PXN: variants seen among roughly 807,000 people sequenced by gnomAD.
The protein encoded by PXN is testicular tissue protein Li 134.
In PXN, 61 loss-of-function variants were observed where a neutral mutation model predicts 103.6. The ratio of observed to expected loss-of-function variants is 0.59; its 90% CI spans 0.48 to 0.73. The LOEUF is 0.73. PXN is among the 30% of genes least tolerant of loss of function. The pLI is 0.00. For missense variants in PXN, 1,274 were observed against 1,460.3 expected, an observed-to-expected ratio of 0.87 and a Z score of 2.08; for synonymous variants, 562 against 607.8, an observed-to-expected ratio of 0.92 and a Z score of 1.11.
rs558730579 is a variant in PXN, at chr12:120,258,018, C to A, written c.13+7599G>T. ...GACCAGGCTGGCCAACATGGTGAAA[C>A]CCCATCTCTACTAAAATTACAAAAA... is the stretch of plus-strand genomic sequence containing the variant. On this transcript the variant is annotated intron_variant, in intron 1 of 14. Transcript: ENST00000637617. Among the ~76,000 whole-genome samples, 7 of 152,158 alleles carry A rather than the reference C, an allele frequency of 4.6e-5. No individual in the cohort carries two copies. The South Asian group carries it at 1.2e-3, about 27-fold the overall frequency.
Position 120,228,617 on chromosome 12 carries a change from G to A in PXN, c.14-4240C>T, listed in dbSNP as rs536091360. ...GACTGGGGAGCCCCTGGCCATGGGC[G>A]CAGTGGGGAAGTTTCTATCCTTAGA... On this transcript the variant is annotated intron_variant, in intron 1 of 14. Transcript: ENST00000637617. This position sits in a 1 kb window ranked among gnomAD's most constrained non-coding sequence, Gnocchi z 4.7. Among the ~76,000 whole-genome samples the A allele has an allele frequency of 1.1e-4, 16 of 152,306 alleles. No individual in the cohort carries two copies. The highest frequency in any genetic ancestry group is 2.1e-4 in the Non-Finnish European group (14 of 68,036).
chr12:120,213,553 T>C lies in PXN; in HGVS notation c.2979+289A>G, dbSNP rs767718999. On this transcript the variant is annotated intron_variant, in intron 14 of 14. Transcript: ENST00000637617. This position sits in a 1 kb window ranked among gnomAD's most constrained non-coding sequence, Gnocchi z 4.2. ...CTGTTGAGTCTGCTAAATACTTGCATTATCTCATTTAGTTCTCACACACTC... is the reference window on the plus strand; with the variant it reads ...CTGTTGAGTCTGCTAAATACTTGCACTATCTCATTTAGTTCTCACACACTC... Among the ~76,000 whole-genome samples, 22 of 152,210 alleles carry C rather than the reference T, an allele frequency of 1.4e-4. No homozygotes were observed. The highest frequency in any genetic ancestry group is 1.0e-3 in the Admixed American group (16 of 15,284).
chr12:120,242,998 G>A lies in PXN; in HGVS notation c.14-18621C>T, dbSNP rs113048816. 1.6e-3 allele frequency among the ~76,000 whole-genome samples: 238 copies of A among 152,176 alleles called. 1 individual carries two copies. Among genetic ancestry groups the A allele is most frequent in the African/African-American group, 5.4e-3 (224 of 41,524 alleles). ...AAGGTCATTCCAATGAAGATGCAAA[G>A]CCTAATGACTGTCCTTGGCCTTGTG... On this transcript the variant is annotated intron_variant, in intron 1 of 14. Coordinates refer to ENST00000637617, the MANE Select transcript of PXN (RefSeq NM_001385981.1).
rs10129044 is a variant in PXN at position 120,240,682 on chromosome 12, G to A, written c.14-16305C>T. ...CTCCCAGGAGTCCAGTCCAAAAGCT[G>A]GCATCGCAGCCCCACAGTGCTCCCA... is the stretch of plus-strand genomic sequence containing the variant. On this transcript the variant is annotated intron_variant, in intron 1 of 14. Coordinates refer to ENST00000637617, the MANE Select transcript of PXN (RefSeq NM_001385981.1). Among the ~76,000 whole-genome samples, 1,069 of 152,274 alleles carry A rather than the reference G, an allele frequency of 7.0e-3. 7 individuals carry two copies. Among genetic ancestry groups the A allele is most frequent in the African/African-American group, 0.024 (996 of 41,540 alleles).
At chr12:120,238,463 T>G (rs1465127044) in intron 1 of PXN, among the ~76,000 whole-genome samples, 1 of 152,202 alleles carries the variant, frequency 6.6e-6, no homozygotes, top group Admixed American at 6.5e-5. Flanking sequence ...CATGCCCAGC[T>G]GGCTATGCCA....
chr12:120,253,724 T>C (rs1345161850), intron 1 of PXN, among the ~76,000 whole-genome samples: 1 of 152,226 alleles, frequency 6.6e-6, no homozygotes, highest in East Asian at 1.9e-4. Context: ...ATACATCCAT[T>C]GTATATAGAT....
Position 120,221,482 on chromosome 12 carries a change from A to C in PXN, c.831+141T>G. The C allele has an allele frequency of 2.2e-6, 2 of 903,252 alleles. No homozygotes were observed. The highest frequency in any genetic ancestry group is 3.2e-6 in the Non-Finnish European group (2 of 622,604). The allele number at this position is 903,252 out of a possible 1,614,324, so 56.0% of individuals were successfully genotyped here. On this transcript the variant is annotated intron_variant, in intron 6 of 14. Coordinates refer to ENST00000637617, the MANE Select transcript of PXN (RefSeq NM_001385981.1). This position sits in a 1 kb window ranked among gnomAD's most constrained non-coding sequence, Gnocchi z 6.6. The stretch of plus-strand genomic sequence containing the variant: ...CATCTCCTGGCATCACAGCAAGGCC[A>C]GGGCATGACAGTGTCCCTGGCTCAG...
In PXN at chr12:120,240,176, G is replaced by C. The variant is rs1167390555; in HGVS notation, c.14-15799C>G. ...CCAAGCCTCACTCAAGCCATTTAGA[G>C]GAACAAATAAGATAACAATCATAAA... On this transcript the variant is annotated intron_variant, in intron 1 of 14. Coordinates refer to ENST00000637617, the MANE Select transcript of PXN (RefSeq NM_001385981.1). 6.6e-5 allele frequency among the ~76,000 whole-genome samples: 10 copies of C among 152,128 alleles called. No homozygotes were observed. The East Asian group carries it at 1.9e-3, about 29-fold the overall frequency.
chr12:120,233,461 A>C (rs890748585), intron 1 of PXN, among the ~76,000 whole-genome samples: 14 of 151,910 alleles, frequency 9.2e-5, no homozygotes, highest in African/African-American at 3.1e-4. Flanking sequence ...TACACACCAC[A>C]CCTGGCTAAT....
rs1209321433 is a variant in PXN, at chr12:120,222,984, C to T, written c.372G>A (p.Gln124=). The change falls in exon 4 of 15, where the codon CAG becomes CAA. Residue 124 remains glutamine, a synonymous_variant. Coordinates refer to ENST00000637617, the MANE Select transcript of PXN (RefSeq NM_001385981.1). This position sits in a 1 kb window ranked among gnomAD's most constrained non-coding sequence, Gnocchi z 4.7. The part of the protein sequence containing the change: ...EEHVYSFPNK[Q]KSAEPSPTVM... Reference sequence around the variant, plus strand: ...CGGTGGGTGAAGGCTCAGCTGATTTCTGCTTGTTGGGGAAGCTTTGAGAGG... The same window carrying T: ...CGGTGGGTGAAGGCTCAGCTGATTTTTGCTTGTTGGGGAAGCTTTGAGAGG... The T allele has an allele frequency of 6.2e-7, 1 of 1,613,950 alleles. No individual in the cohort carries two copies.
At position 120,254,133 on chromosome 12, in the gene PXN, C is replaced by A. The variant is rs557470444; in HGVS notation, c.13+11484G>T. On this transcript the variant is annotated intron_variant, in intron 1 of 14. Coordinates refer to ENST00000637617, the MANE Select transcript of PXN (RefSeq NM_001385981.1). ...ACCTCAGATGATCCACCCACCTCAG[C>A]CTCCCAAAGTGCTGGGATTACAGGC... 1.4e-4 allele frequency among the ~76,000 whole-genome samples: 22 copies of A among 152,234 alleles called. 1 individual carries two copies. The highest frequency in any genetic ancestry group is 1.4e-3 in the Admixed American group (22 of 15,282).
intron 3 of PXN, 36 bp downstream of exon 3, chr12:120,223,682 A>C: frequency 6.8e-7 from 1 of 1,474,616 alleles, no homozygotes; most frequent in Non-Finnish European, 9.3e-7. Flanking sequence ...ATTTCTAAGC[A>C]GGAGGGAAGG....
At chr12:120,223,909 C>T in intron 2 of PXN, 76 bp from the exon 3 acceptor site, 1 of 1,166,290 alleles carries the variant, frequency 8.6e-7, no homozygotes, top group East Asian at 2.6e-5. Flanking sequence ...CTCCAGTCAC[C>T]CCCAGGAGGC....
At chr12:120,235,314 G>T (rs536423298) in intron 1 of PXN, among the ~76,000 whole-genome samples, 1 of 152,150 alleles carries the variant, frequency 6.6e-6, no homozygotes, top group Non-Finnish European at 1.5e-5. Context: ...GGGGCTGCGA[G>T]GCTAGAAAGC....
rs567314723 is a variant in PXN, at chr12:120,263,051, C to T, written c.13+2566G>A. On this transcript the variant is annotated intron_variant, in intron 1 of 14. Transcript: ENST00000637617. The stretch of plus-strand genomic sequence containing the variant: ...ACAAAGTCACAGAGGAGGTGATGCA[C>T]CCTCTGGCCTTGCTACCGGACACAC... 3.3e-5 allele frequency among the ~76,000 whole-genome samples: 5 copies of T among 152,208 alleles called. No individual in the cohort carries two copies. In the South Asian group the frequency reaches 1.0e-3, roughly 32 times the overall value.
Position 120,225,026 on chromosome 12 carries a change from C to T in PXN, c.14-649G>A. On this transcript the variant is annotated intron_variant, in intron 1 of 14. Transcript: ENST00000637617. The surrounding 1 kb of genome is among the most constrained non-coding windows in gnomAD (Gnocchi z 4.4). ...GCAGGGGGCAAGACTGCTCCATTGG[C>T]TGTTTCTGCGGAAGTCTGGCAAGCA... 3.8e-6 allele frequency: 1 copy of T among 266,066 alleles called. No individual in the cohort carries two copies. The highest frequency in any genetic ancestry group is 7.7e-6 in the Non-Finnish European group (1 of 129,808). The allele number at this position is 266,066 out of a possible 1,614,324, so 16.5% of individuals were successfully genotyped here. A position where few individuals can be genotyped will look rare whatever the true frequency, so the allele number is the denominator to read the frequency against.
intron 1 of PXN, among the ~76,000 whole-genome samples, chr12:120,239,927 C>CTT (rs1407377098): frequency 4.4e-5 from 6 of 136,280 alleles, no homozygotes; most frequent in Admixed American, 7.4e-5. Context: ...ATCTAGCTCC[C>CTT]TTTTTTTTTT....
intron 1 of PXN, among the ~76,000 whole-genome samples, chr12:120,230,629 C>G (rs1178225227): frequency 1.3e-5 from 2 of 152,072 alleles, no homozygotes; most frequent in Admixed American, 1.3e-4. Flanking sequence ...GGTCTCCCCC[C>G]TCCCCCTGGC....
In PXN at chr12:120,215,513, AG is replaced by A. The variant is rs745968769; in HGVS notation, c.2403+46del. 6 of 1,533,406 alleles carry A rather than the reference AG, an allele frequency of 3.9e-6. No homozygotes were observed. The highest frequency in any genetic ancestry group is 5.3e-6 in the Non-Finnish European group (6 of 1,142,718). 95.0% of individuals were successfully genotyped at this position (1,533,406 alleles called of 1,614,324 possible). A position where few individuals can be genotyped will look rare whatever the true frequency, so the allele number is the denominator to read the frequency against. On this transcript the variant is annotated intron_variant, in intron 10 of 14. Coordinates refer to ENST00000637617, the MANE Select transcript of PXN (RefSeq NM_001385981.1). This position sits in a 1 kb window ranked among gnomAD's most constrained non-coding sequence, Gnocchi z 4.9. ...GCACCCAGCAGGCATGGCCAAGCCC[AG>A]GGAGAGCACGACACGCAGGACACCC... is the stretch of plus-strand genomic sequence containing the variant.
Sources: gnomAD v4.1 joint callset for allele counts (sites outside exome capture counted in the v4.1 genomes callset) on GRCh38, gnomAD v4.1.1 for gene constraint, Gnocchi (gnomAD v3.1) non-coding constraint, MANE v1.5 for transcripts, NCBI Gene and HGNC (gene_info 2026-07-23, HGNC 2026-07-21) for gene names.